Variants in KIF5B observed in about 807,000 individuals in gnomAD.
KIF5B encodes kinesin family member 5B.
KIF5B carries 49 observed loss-of-function variants against 132.8 expected under a neutral mutation model. The observed-to-expected ratio is 0.37, with a 90% CI of 0.29 to 0.47. The LOEUF is 0.47. Among genes scored for constraint, KIF5B ranks in the 20% least tolerant of loss-of-function variants. The probability of loss-of-function intolerance (pLI) is 1.00; values close to 1 mark genes in which losing one functional copy is unlikely to be tolerated. For synonymous variants in KIF5B, 355 were observed against 369.4 expected, an observed-to-expected ratio of 0.96 and a Z score of 0.45; for missense variants, 780 against 1,144.0, an observed-to-expected ratio of 0.68 and a Z score of 4.59.
intron 2 of KIF5B, among the ~76,000 whole-genome samples, chr10:32,043,124 CT>C (rs1841563267): frequency 6.6e-6 from 1 of 152,158 alleles, no homozygotes; most frequent in Non-Finnish European, 1.5e-5. Context: ...GTGCCTCAGC[CT>C]CCCAAGTAGC....
In KIF5B at chr10:32,037,554, A is replaced by G; in HGVS notation, c.552T>C (p.Asp184=). ...CSPDEVMDTI[D]EGKSNRHVAV... ...CTACATGTCTGTTGGATTTTCCTTC[A>G]TCTATGGTATCCATAACTTCATCTG... Residue 184 remains aspartate, a synonymous_variant, in exon 7 of 26, where the codon GAT becomes GAC. Transcript: ENST00000302418. The G allele has an allele frequency of 6.2e-7, 1 of 1,613,518 alleles. No homozygotes were observed. The highest frequency in any genetic ancestry group is 8.5e-7 in the Non-Finnish European group (1 of 1,179,424).
chr10:32,027,717 T>C (rs1306463204), intron 15 of KIF5B, among the ~76,000 whole-genome samples: 2 of 151,730 alleles, frequency 1.3e-5, no homozygotes, highest in African/African-American at 4.8e-5. Context: ...CCTCAGTCTC[T>C]TAAAATAGCT....
At position 32,035,645 on chromosome 10, in the gene KIF5B, C is replaced by G; in HGVS notation, c.839G>C (p.Ser280Thr). The change falls in exon 10 of 26, where the codon AGT (serine) becomes ACT (threonine). Residue 280 changes from serine (S) to threonine (T), a missense_variant. This residue lies in a region of KIF5B where 15 missense variants were observed against 65.0 expected (regional missense o/e 0.23). Coordinates refer to ENST00000302418, the MANE Select transcript of KIF5B (RefSeq NM_004521.3). ...ATCTTGAAGGATTCTTGTCATTTTACTATCTCGATATGGAACATATGTCTG... is the reference window on the plus strand; with the variant it reads ...ATCTTGAAGGATTCTTGTCATTTTAGTATCTCGATATGGAACATATGTCTG... Reference protein sequence around the residue: ...EGSTYVPYRDSKMTRILQDSL... With the variant: ...EGSTYVPYRDTKMTRILQDSL... 1 of 1,612,368 alleles carries G rather than the reference C, an allele frequency of 6.2e-7. No individual in the cohort carries two copies. The highest frequency in any genetic ancestry group is 8.5e-7 in the Non-Finnish European group (1 of 1,179,136).
In KIF5B at chr10:32,040,470, ATT is replaced by A. The variant is rs1367255502; in HGVS notation, c.215-15_215-14del. ...CCTTCAAGTACATCTATGAGAAAAG[ATT>A]TTATAGTTCAGGGGATTTTTTCCTT... On this transcript the variant is annotated splice_polypyrimidine_tract_variant and intron_variant, in intron 2 of 25. Transcript: ENST00000302418. The A allele has an allele frequency of 6.8e-7, 1 of 1,478,544 alleles. No homozygotes were observed. The highest frequency in any genetic ancestry group is 9.5e-7 in the Non-Finnish European group (1 of 1,056,984). The allele number at this position is 1,478,544 out of a possible 1,614,324, so 91.6% of individuals were successfully genotyped here.
intron 24 of KIF5B, 49 bp from the exon 25 acceptor site, chr10:32,015,708 C>T: frequency 6.9e-7 from 1 of 1,445,988 alleles, no homozygotes; most frequent in Non-Finnish European, 9.5e-7. Flanking sequence ...TAAGATGTGA[C>T]TGCAATGACT....
intron 2 of KIF5B, among the ~76,000 whole-genome samples, chr10:32,041,070 CAGG>C (rs1317844502): frequency 6.8e-6 from 1 of 147,616 alleles, no homozygotes; most frequent in East Asian, 2.0e-4. Context: ...CGCCTGAGCC[CAGG>C]AGAAGGAGGT....
chr10:32,018,221 G>A (rs1592438322), intron 22 of KIF5B, 65 bp from the exon 23 acceptor site: 37 of 1,448,532 alleles, frequency 2.6e-5, no homozygotes, highest in Non-Finnish European at 3.3e-5. Flanking sequence ...TACAAAAATT[G>A]ACGTGACTGT....
chr10:32,056,030 G>T lies in KIF5B; in HGVS notation c.-57C>A. 2 of 1,594,264 alleles carry T rather than the reference G, an allele frequency of 1.3e-6. No individual in the cohort carries two copies. The highest frequency in any genetic ancestry group is 1.1e-5 in the South Asian group (1 of 90,642). On this transcript the variant is annotated 5_prime_UTR_variant, in exon 1 of 26. It adds an upstream start codon to the 5' untranslated region. Coordinates refer to ENST00000302418, the MANE Select transcript of KIF5B (RefSeq NM_004521.3). ...CCACTCCCCGCCGCTCAGTCTTGCA[G>T]GGAACGCGCCGGACCTGAGGGCTTG...
intron 2 of KIF5B, among the ~76,000 whole-genome samples, chr10:32,042,122 C>T (rs1841549469): frequency 4.6e-5 from 7 of 151,930 alleles, no homozygotes; most frequent in Admixed American, 4.6e-4. Context: ...AAAGAGAAGC[C>T]TCTGTTGGAA....
rs776554791 is a variant in KIF5B, at chr10:32,018,366, G to C, written c.2389C>G (p.His797Asp). 2 of 1,528,674 alleles carry C rather than the reference G, an allele frequency of 1.3e-6. No homozygotes were observed. The highest frequency in any genetic ancestry group is 2.7e-5 in the South Asian group (2 of 74,570). 94.7% of individuals were successfully genotyped at this position (1,528,674 alleles called of 1,614,324 possible). ...TGAACAAAGAGTTTGCGCAGGTTGT[G>C]TAAAGTCTGAAGTTCTTTTGCCTTG... Reference protein sequence around the residue: ...ETVAKELQTLHNLRKLFVQDL... With the variant: ...ETVAKELQTLDNLRKLFVQDL... Residue 797 changes from histidine to aspartate, a missense_variant, in exon 22 of 26, where the codon CAC becomes GAC. Transcript: ENST00000302418.
chr10:32,022,648 T>C (rs1841279359), intron 16 of KIF5B, among the ~76,000 whole-genome samples, 200 bp downstream of exon 16: 1 of 152,194 alleles, frequency 6.6e-6, no homozygotes, highest in African/African-American at 2.4e-5. Context: ...CACATCATTC[T>C]GGTAAATTTC....
chr10:32,019,352 A>C (rs141999193), intron 20 of KIF5B, among the ~76,000 whole-genome samples: 3 of 152,326 alleles, frequency 2.0e-5, no homozygotes, highest in African/African-American at 7.2e-5. Context: ...AACTCAAGGT[A>C]TGTGAAAAAT....
intron 8 of KIF5B, among the ~76,000 whole-genome samples, chr10:32,036,945 T>C (rs550241576): frequency 6.6e-6 from 1 of 152,034 alleles, no homozygotes; most frequent in African/African-American, 2.4e-5. Context: ...AAAATACGTA[T>C]CAAAAATTAG....
intron 11 of KIF5B, 48 bp from the exon 12 acceptor site, chr10:32,034,086 T>A: frequency 8.7e-7 from 1 of 1,153,816 alleles, no homozygotes; most frequent in Non-Finnish European, 1.2e-6. Flanking sequence ...CGTCTAAAGC[T>A]AATTTCAATT....
At position 32,015,605 on chromosome 10, in the gene KIF5B, G is replaced by A. The variant is rs1351058011; in HGVS notation, c.2816C>T (p.Ala939Val). Residue 939 changes from alanine (A) to valine (V), a missense_variant, in exon 25 of 26, where the codon GCA becomes GTA. Ala to Val is a moderately conservative substitution (Grantham distance 64). Coordinates refer to ENST00000302418, the MANE Select transcript of KIF5B (RefSeq NM_004521.3). ...AACAAATGCACCTCCTCCACGAATT[G>A]CACTTGGGTGAGTTGGAGAAGCTGC... Reference protein sequence around the residue: ...HPAASPTHPSAIRGGGAFVQN... With the variant: ...HPAASPTHPSVIRGGGAFVQN... 6.2e-7 allele frequency: 1 copy of A among 1,613,716 alleles called. No homozygotes were observed. Among genetic ancestry groups the A allele is most frequent in the East Asian group, 2.2e-5 (1 of 44,868 alleles).
Position 32,037,560 on chromosome 10 carries a change from G to C in KIF5B, c.546C>G (p.Thr182=), listed in dbSNP as rs749434997. The change falls in exon 7 of 26, where the codon ACC becomes ACG. Residue 182 remains threonine, a synonymous_variant. Transcript: ENST00000302418. ...FVCSPDEVMD[T]IDEGKSNRHV... is the part of the protein sequence containing the mutation. Reference sequence around the variant, plus strand: ...GTCTGTTGGATTTTCCTTCATCTATGGTATCCATAACTTCATCTGGACTAC... The same window carrying C: ...GTCTGTTGGATTTTCCTTCATCTATCGTATCCATAACTTCATCTGGACTAC... 5 of 1,613,268 alleles carry C rather than the reference G, an allele frequency of 3.1e-6. No individual in the cohort carries two copies. The highest frequency in any genetic ancestry group is 4.2e-6 in the Non-Finnish European group (5 of 1,179,278).
Position 32,037,619 on chromosome 10 carries a change from T to G in KIF5B, c.499-12A>C. On this transcript the variant is annotated splice_polypyrimidine_tract_variant and intron_variant, in intron 6 of 25. Coordinates refer to ENST00000302418, the MANE Select transcript of KIF5B (RefSeq NM_004521.3). The stretch of plus-strand genomic sequence containing the variant: ...CGCTCTGTGCACCCCTGTGAAATAA[T>G]TTTTAAAAATATGTTAATGTCTGGC... 6.3e-7 allele frequency: 1 copy of G among 1,578,852 alleles called. No individual in the cohort carries two copies. The highest frequency in any genetic ancestry group is 1.7e-4 in the Middle Eastern group (1 of 5,986).
chr10:32,017,251 T>C lies in KIF5B; in HGVS notation c.2653A>G (p.Lys885Glu). 1 of 1,614,208 alleles carries C rather than the reference T, an allele frequency of 6.2e-7. No homozygotes were observed. The highest frequency in any genetic ancestry group is 8.5e-7 in the Non-Finnish European group (1 of 1,180,026). The part of the protein sequence containing the change: ...KALESALKEA[K>E]ENASRDRKRY... ...TTGCGATCACGAGATGCATTTTCTT[T>C]AGCTTCTTTCAGTGCTGATTCCAAA... is the stretch of plus-strand genomic sequence containing the variant. Residue 885 changes from lysine to glutamate, a missense_variant, in exon 24 of 26, where the codon AAA becomes GAA. By Grantham distance (56) the Lys-to-Glu change is moderately conservative (BLOSUM62 1). Around this residue, in one of 9 missense-constraint regions of KIF5B, gnomAD observed 32 missense variants for 71.1 expected, o/e 0.45. Transcript: ENST00000302418.
At chr10:32,046,610 G>T (rs938768618) in intron 2 of KIF5B, among the ~76,000 whole-genome samples, 1 of 151,976 alleles carries the variant, frequency 6.6e-6, no homozygotes, top group African/African-American at 2.4e-5. Context: ...AACAGAGATG[G>T]GGTCTCGCTG....
Sources: allele counts gnomAD v4.1 joint callset (sites outside exome capture counted in the v4.1 genomes callset), GRCh38; gene constraint gnomAD v4.1.1; regional missense constraint gnomAD v4.1.1; transcripts MANE v1.5; gene names NCBI Gene and HGNC (gene_info 2026-07-23, HGNC 2026-07-21).